CLIC2: variants seen among roughly 807,000 people sequenced by gnomAD.
CLIC2 encodes the protein CLIC family member 2.
Under a neutral mutation model 14.8 loss-of-function variants are expected in CLIC2, and 9 were observed. The observed-to-expected ratio is 0.61, with a 90% CI of 0.37 to 1.06. The LOEUF (loss-of-function observed/expected upper bound fraction) is 1.06, where lower values mean the gene tolerates loss of function less well. Among genes scored for constraint, CLIC2 ranks in the 50% least tolerant of loss-of-function variants. The pLI is 0.01. For synonymous variants in CLIC2, 61 were observed against 66.3 expected, an observed-to-expected ratio of 0.92 and a Z score of 0.39; for missense variants, 148 against 181.4, an observed-to-expected ratio of 0.82 and a Z score of 1.06.
intron 1 of CLIC2, among the ~76,000 whole-genome samples, chrX:155,317,304 T>C (rs1179052696): frequency 5.4e-5 from 6 of 111,759 alleles, no homozygotes; most frequent in African/African-American, 1.9e-4. Flanking sequence ...ATAAAATTGA[T>C]AGACAGTTAG....
rs2075104556 is a variant in CLIC2 at position 155,319,117 on chromosome X, A to T, written c.57+15254T>A. ...GAAACCATAAAAATTCTAGAAGAAA[A>T]CATTGGAAAATCTCTTCTAGACATT... On this transcript the variant is annotated intron_variant, in intron 1 of 5. Coordinates refer to ENST00000369449, the MANE Select transcript of CLIC2 (RefSeq NM_001289.6). 2.7e-5 allele frequency among the ~76,000 whole-genome samples: 3 copies of T among 112,404 alleles called. No homozygotes were observed. The Admixed American group carries it at 2.8e-4, about 11-fold the overall frequency.
chrX:155,320,292 C>T (rs1484054283), intron 1 of CLIC2, among the ~76,000 whole-genome samples: 4 of 112,160 alleles, frequency 3.6e-5, no homozygotes, highest in African/African-American at 1.3e-4. Context: ...GGTCGACAGA[C>T]CCCTCATACA....
chrX:155,321,192 C>G (rs146875289), intron 1 of CLIC2, among the ~76,000 whole-genome samples: 1,289 of 111,555 alleles, frequency 0.012, 20 homozygotes, highest in African/African-American at 0.04. Context: ...GGCCAACATT[C>G]AAATTCTGGA....
At chrX:155,289,951 T>C (rs1237353926) in intron 3 of CLIC2, among the ~76,000 whole-genome samples, 9 of 112,241 alleles carry the variant, frequency 8.0e-5, no homozygotes, top group Non-Finnish European at 1.7e-4. Flanking sequence ...GCTTAGAAAA[T>C]ACTCTAGCCT....
chrX:155,303,445 C>G (rs1386196848), intron 1 of CLIC2, among the ~76,000 whole-genome samples: 2 of 89,691 alleles, frequency 2.2e-5, no homozygotes, highest in Non-Finnish European at 4.4e-5. Context: ...AGATCTTCCT[C>G]CATCCTTTTA....
In CLIC2 at chrX:155,334,548, A is replaced by G; in HGVS notation, c.-121T>C. On this transcript the variant is annotated 5_prime_UTR_variant, in exon 1 of 6. Coordinates refer to ENST00000369449, the MANE Select transcript of CLIC2 (RefSeq NM_001289.6). ...TGTTGGTGCTTTAAGAAGACCGTCT[A>G]GCTTGTAGTGGACTGAGTCAGACCT... is the stretch of plus-strand genomic sequence containing the variant. 1 of 618,010 alleles carries G rather than the reference A, an allele frequency of 1.6e-6. No homozygotes were observed. The highest frequency in any genetic ancestry group is 2.7e-6 in the Non-Finnish European group (1 of 364,118). The allele number at this position is 618,010 out of a possible 1,213,427, so 50.9% of individuals were successfully genotyped here.
intron 3 of CLIC2, chrX:155,290,240 T>C: frequency 5.9e-6 from 1 of 168,817 alleles, no homozygotes; most frequent in Non-Finnish European, 1.1e-5. Flanking sequence ...AAGTGCTATT[T>C]TCCAAAAAGT....
chrX:155,283,999 G>T (rs1199850772), intron 3 of CLIC2, among the ~76,000 whole-genome samples: 4 of 111,375 alleles, frequency 3.6e-5, no homozygotes, highest in South Asian at 3.7e-4. Flanking sequence ...GTTTTTGAGG[G>T]TTGGTTCTGT....
intron 5 of CLIC2, among the ~76,000 whole-genome samples, chrX:155,278,389 C>G (rs781920158): frequency 1.0e-3 from 116 of 111,715 alleles, no homozygotes; most frequent in Admixed American, 0.01. Context: ...TCTTTCTTTA[C>G]ATATTCTCTG....
chrX:155,285,804 A>AAATAAAAACC, intron 3 of CLIC2, among the ~76,000 whole-genome samples: 1 of 110,033 alleles, frequency 9.1e-6, no homozygotes, highest in South Asian at 3.9e-4. Context: ...TATGTGAGAA[A>AAATAAAAACC]AATAAAAACC....
At chrX:155,300,899 G>A (rs1390735791) in intron 1 of CLIC2, among the ~76,000 whole-genome samples, 211 of 75,280 alleles carry the variant, frequency 2.8e-3, no homozygotes, top group African/African-American at 8.2e-3. Context: ...GATATGCAGC[G>A]TTATTTCTGA....
At chrX:155,279,371 T>A in intron 4 of CLIC2, 41 bp from the exon 5 acceptor site, 1 of 1,003,280 alleles carries the variant, frequency 1.0e-6, no homozygotes, top group African/African-American at 1.9e-5. Context: ...AAATGTATTG[T>A]CTTTTGACTA....
chrX:155,283,912 A>T (rs1296855477), intron 3 of CLIC2, among the ~76,000 whole-genome samples: 2 of 111,680 alleles, frequency 1.8e-5, no homozygotes, highest in Admixed American at 9.5e-5. Context: ...TTAGTCAGTT[A>T]TTGATTTTAC....
intron 3 of CLIC2, among the ~76,000 whole-genome samples, chrX:155,287,139 T>G (rs2074945742): frequency 8.9e-6 from 1 of 111,769 alleles, no homozygotes; most frequent in Non-Finnish European, 1.9e-5. Flanking sequence ...GATTTTTGTA[T>G]ATGGTATAAG....
In CLIC2 at chrX:155,292,928, G is replaced by A. The variant is rs1291380842; in HGVS notation, c.293+5857C>T. On this transcript the variant is annotated intron_variant, in intron 3 of 5. Transcript: ENST00000369449. The stretch of plus-strand genomic sequence containing the variant: ...AAGTAGGAAGTTTTGCCAACAGGGC[G>A]AACAAAGGTCAGTTCTTACCCAGTG... The A allele has an allele frequency of 1.5e-5, 16 of 1,071,226 alleles. No homozygotes were observed. The Admixed American group carries it at 1.5e-4, about 10-fold the overall frequency. The allele number at this position is 1,071,226 out of a possible 1,213,427, so 88.3% of individuals were successfully genotyped here.
chrX:155,299,575 CT>C (rs1295360231), intron 1 of CLIC2, among the ~76,000 whole-genome samples: 50 of 105,489 alleles, frequency 4.7e-4, no homozygotes, highest in South Asian at 2.1e-3. Flanking sequence ...AATTTCCTTT[CT>C]TTTTTTTTTA....
At chrX:155,294,956 C>A (rs2074987387) in intron 3 of CLIC2, among the ~76,000 whole-genome samples, 1 of 111,452 alleles carries the variant, frequency 9.0e-6, no homozygotes, top group African/African-American at 3.3e-5. Context: ...GAACTAATAC[C>A]AATTCTCCTG....
At chrX:155,317,186 C>T (rs1299395615) in intron 1 of CLIC2, among the ~76,000 whole-genome samples, 5 of 111,243 alleles carry the variant, frequency 4.5e-5, no homozygotes, top group African/African-American at 1.6e-4. Context: ...AAACCCAAAC[C>T]CAGCAGAAGA....
In CLIC2 at chrX:155,298,824, T is replaced by G; in HGVS notation, c.254A>C (p.Lys85Thr). 8.3e-7 allele frequency: 1 copy of G among 1,210,239 alleles called. No homozygotes were observed. The highest frequency in any genetic ancestry group is 1.1e-6 in the Non-Finnish European group (1 of 894,114). Reference sequence around the variant, plus strand: ...GGTTTGTTCTAAAAACTCCTCAATTTTAATGAAGTCTGTTTTCAACTCCTT... The same window carrying G: ...GGTTTGTTCTAAAAACTCCTCAATTGTAATGAAGTCTGTTTTCAACTCCTT... The part of the protein sequence containing the change: ...YNKELKTDFI[K>T]IEEFLEQTLA... The change falls in exon 3 of 6, where the codon AAA becomes ACA. Residue 85 changes from lysine (K) to threonine (T), a missense_variant. Lys to Thr is a moderately conservative substitution (Grantham distance 78, BLOSUM62 -1). Coordinates refer to ENST00000369449, the MANE Select transcript of CLIC2 (RefSeq NM_001289.6).
Sources: allele counts gnomAD v4.1 joint callset (sites outside exome capture counted in the v4.1 genomes callset), GRCh38; gene constraint gnomAD v4.1.1; transcripts MANE v1.5; gene names NCBI Gene and HGNC (gene_info 2026-07-23, HGNC 2026-07-21).